Variants in UXS1 observed in about 807,000 individuals in gnomAD.
UXS1 encodes the protein UDP-glucuronic acid decarboxylase 1.
In UXS1, 33 loss-of-function variants were observed where a neutral mutation model predicts 62.6. The ratio of observed to expected loss-of-function variants is 0.53; its 90% CI spans 0.40 to 0.70. The LOEUF (loss-of-function observed/expected upper bound fraction) is 0.70, where lower values mean the gene tolerates loss of function less well. UXS1 is among the 30% of genes least tolerant of loss of function. The pLI is 0.00. For synonymous variants in UXS1, 213 were observed against 206.8 expected, an observed-to-expected ratio of 1.03 and a Z score of -0.26; for missense variants, 434 against 556.3, an observed-to-expected ratio of 0.78 and a Z score of 2.21.
At chr2:106,167,058 T>C (rs1683259371) in intron 1 of UXS1, among the ~76,000 whole-genome samples, 1 of 152,202 alleles carries the variant, frequency 6.6e-6, no homozygotes, top group Non-Finnish European at 1.5e-5. Flanking sequence ...TTCTATACTC[T>C]AGGCACCTGG....
At chr2:106,097,065 G>T in intron 13 of UXS1, 1 of 630,236 alleles carries the variant, frequency 1.6e-6, no homozygotes, top group Non-Finnish European at 2.9e-6. Flanking sequence ...AGCTCGGTGG[G>T]GGGCAGGTTA....
chr2:106,113,473 T>C (rs1678794624), intron 9 of UXS1, among the ~76,000 whole-genome samples: 1 of 152,238 alleles, frequency 6.6e-6, no homozygotes, highest in Non-Finnish European at 1.5e-5. Context: ...CTATTTTTAC[T>C]ACAATGAACA....
chr2:106,194,241 TC>T lies in UXS1; in HGVS notation c.-1del. The T allele has an allele frequency of 4.4e-6, 6 of 1,350,912 alleles. No individual in the cohort carries two copies. Among genetic ancestry groups the T allele is most frequent in the South Asian group, 2.7e-5 (2 of 74,336 alleles). The allele number at this position is 1,350,912 out of a possible 1,614,324, so 83.7% of individuals were successfully genotyped here. A position where few individuals can be genotyped will look rare whatever the true frequency, so the allele number is the denominator to read the frequency against. ...AGGCGCAGCAGCGCCTTGCTCACCA[TC>T]CCCGGGAGCCGCGCGGGTCCAGGGC... On this transcript the variant is annotated 5_prime_UTR_variant, in exon 1 of 15. Transcript: ENST00000283148.
chr2:106,110,006 G>A (rs1286531286), intron 10 of UXS1, among the ~76,000 whole-genome samples: 6 of 152,210 alleles, frequency 3.9e-5, no homozygotes, highest in Admixed American at 3.9e-4. Flanking sequence ...GGCTCAGGCA[G>A]GCCTGCGAGT....
chr2:106,141,852 T>A (rs909361362), intron 6 of UXS1, among the ~76,000 whole-genome samples: 2 of 148,486 alleles, frequency 1.3e-5, no homozygotes, highest in Non-Finnish European at 3.0e-5. Context: ...AACAACTGGA[T>A]GTTAGCTTCA....
chr2:106,140,033 G>A (rs990020057), intron 6 of UXS1, among the ~76,000 whole-genome samples: 2 of 152,178 alleles, frequency 1.3e-5, no homozygotes, highest in African/African-American at 4.8e-5. Flanking sequence ...ATTTAGGATG[G>A]AAAACAGGAA....
intron 13 of UXS1, 28 bp from the exon 14 acceptor site, chr2:106,096,849 G>A: frequency 1.3e-6 from 2 of 1,554,436 alleles, no homozygotes; most frequent in African/African-American, 1.4e-5. Flanking sequence ...AAAAAAGGTA[G>A]GAGAGAATCA....
intron 1 of UXS1, among the ~76,000 whole-genome samples, chr2:106,181,741 A>C (rs553043317): frequency 2.0e-5 from 3 of 152,344 alleles, no homozygotes; most frequent in Non-Finnish European, 4.4e-5. Flanking sequence ...ATTTTTTTAA[A>C]AATCCATACT....
At chr2:106,140,741 G>A (rs1215767548) in intron 6 of UXS1, among the ~76,000 whole-genome samples, 1 of 152,196 alleles carries the variant, frequency 6.6e-6, no homozygotes, top group Non-Finnish European at 1.5e-5. Context: ...AATAGCATTT[G>A]GAATATAGTT....
At chr2:106,146,122 T>A (rs934856888) in intron 5 of UXS1, among the ~76,000 whole-genome samples, 2 of 152,214 alleles carry the variant, frequency 1.3e-5, no homozygotes, top group Non-Finnish European at 2.9e-5. Context: ...ACAGGTATTT[T>A]ATTCAAATTA....
At chr2:106,168,360 G>A (rs1480152829) in intron 1 of UXS1, among the ~76,000 whole-genome samples, 3 of 152,144 alleles carry the variant, frequency 2.0e-5, no homozygotes, top group African/African-American at 7.2e-5. Context: ...TCTAAAAAGA[G>A]GAGGTGTGAA....
At chr2:106,150,684 T>C (rs1681934826) in intron 5 of UXS1, among the ~76,000 whole-genome samples, 1 of 152,070 alleles carries the variant, frequency 6.6e-6, no homozygotes. Context: ...ATGTCACAAA[T>C]AGCCCGGGAC....
At chr2:106,171,555 G>C (rs1192120695) in intron 1 of UXS1, among the ~76,000 whole-genome samples, 2 of 152,192 alleles carry the variant, frequency 1.3e-5, no homozygotes, top group Non-Finnish European at 2.9e-5. Flanking sequence ...AAAAGCCCGG[G>C]ATTTTAAGAG....
intron 1 of UXS1, among the ~76,000 whole-genome samples, chr2:106,174,996 C>T (rs562654745): frequency 6.6e-6 from 1 of 152,294 alleles, no homozygotes; most frequent in African/African-American, 2.4e-5. Context: ...TAAGCTAATC[C>T]CCCATCCTCA....
At chr2:106,104,899 T>C (rs1244566072) in intron 10 of UXS1, 62 bp from the exon 11 acceptor site, 30 of 1,603,192 alleles carry the variant, frequency 1.9e-5, no homozygotes, top group Non-Finnish European at 2.2e-5. Context: ...GTAGGTGTCC[T>C]TGAAACTCCA....
At chr2:106,103,910 G>A (rs1677821537) in intron 11 of UXS1, among the ~76,000 whole-genome samples, 1 of 152,134 alleles carries the variant, frequency 6.6e-6, no homozygotes, top group South Asian at 2.1e-4. Context: ...TAAGGGTCCT[G>A]GGTAGGTACA....
At chr2:106,116,576 A>T (rs1679078903) in intron 9 of UXS1, among the ~76,000 whole-genome samples, 1 of 152,152 alleles carries the variant, frequency 6.6e-6, no homozygotes, top group Admixed American at 6.5e-5. Context: ...CTGTCCTTGG[A>T]CTAGTTCATT....
intron 11 of UXS1, chr2:106,102,906 A>G (rs1388163901): frequency 2.0e-5 from 3 of 152,272 alleles, no homozygotes; most frequent in Non-Finnish European, 4.4e-5. Flanking sequence ...GCTAATGTGA[A>G]ACCAGAGAGG....
intron 14 of UXS1, among the ~76,000 whole-genome samples, chr2:106,095,830 C>A (rs1005896550): frequency 6.6e-6 from 1 of 152,226 alleles, no homozygotes; most frequent in South Asian, 2.1e-4. Flanking sequence ...ACACAGGCAG[C>A]CCTGAGGACG....
Sources: gnomAD v4.1 joint callset for allele counts (sites outside exome capture counted in the v4.1 genomes callset) on GRCh38, gnomAD v4.1.1 for gene constraint, MANE v1.5 for transcripts, NCBI Gene and HGNC (gene_info 2026-07-23, HGNC 2026-07-21) for gene names.